The following PCDH11X variants were observed in gnomAD, a reference collection of about 807,000 sequenced individuals.
PCDH11X encodes protocadherin-11 X-linked.
In PCDH11X, 18 loss-of-function variants were observed where a neutral mutation model predicts 53.3. The observed-to-expected ratio is 0.34, with a 90% CI of 0.23 to 0.50. The LOEUF (loss-of-function observed/expected upper bound fraction) is 0.50. PCDH11X is among the 20% of genes least tolerant of loss of function. The probability of loss-of-function intolerance (pLI) is 0.98; values close to 1 mark genes in which losing one functional copy is unlikely to be tolerated. For synonymous variants in PCDH11X, 279 were observed against 393.3 expected, an observed-to-expected ratio of 0.71 and a Z score of 3.44; for missense variants, 570 against 1,032.4, an observed-to-expected ratio of 0.55 and a Z score of 6.14.
intron 4 of PCDH11X, among the ~76,000 whole-genome samples, chrX:91,827,345 C>T (rs1026573125): frequency 1.8e-5 from 2 of 111,197 alleles, no homozygotes; most frequent in African/African-American, 6.5e-5. Context: ...CTTATAAATG[C>T]TGGATATTAG....
At chrX:92,391,830 T>C (rs1290564455) in intron 9 of PCDH11X, among the ~76,000 whole-genome samples, 1 of 111,139 alleles carries the variant, frequency 9.0e-6, no homozygotes, top group Non-Finnish European at 1.9e-5. Context: ...TCCAGCTTCA[T>C]TGGAAGAGAT....
At chrX:91,883,757 A>G (rs914908597) in intron 6 of PCDH11X, 5 of 591,958 alleles carry the variant, frequency 8.4e-6, no homozygotes, top group Non-Finnish European at 1.0e-5. Flanking sequence ...GTGAGCCGAG[A>G]TGGCGCCACT....
intron 7 of PCDH11X, among the ~76,000 whole-genome samples, chrX:92,218,274 G>C (rs2066767322): frequency 9.2e-6 from 1 of 109,045 alleles, no homozygotes; most frequent in African/African-American, 3.3e-5. Context: ...TTTTTGAAAG[G>C]ATCAACAAAA....
At chrX:92,184,973 C>A (rs1287587793) in intron 6 of PCDH11X, among the ~76,000 whole-genome samples, 1 of 111,663 alleles carries the variant, frequency 9.0e-6, no homozygotes, top group Admixed American at 9.6e-5. Flanking sequence ...AGCTTTCTCC[C>A]AGATAACTCA....
chrX:92,142,431 G>T (rs1411379373), intron 6 of PCDH11X, among the ~76,000 whole-genome samples: 1 of 107,461 alleles, frequency 9.3e-6, no homozygotes, highest in East Asian at 3.0e-4. Flanking sequence ...TGTTGGTCAG[G>T]CTGGTCTTGA....
intron 6 of PCDH11X, among the ~76,000 whole-genome samples, chrX:91,969,597 T>C (rs2061918657): frequency 9.2e-6 from 1 of 109,218 alleles, no homozygotes; most frequent in Non-Finnish European, 1.9e-5. Context: ...CCCAGGAGTT[T>C]AGAACAGCCT....
At chrX:92,430,187 T>C (rs2072220086) in intron 9 of PCDH11X, among the ~76,000 whole-genome samples, 1 of 93,223 alleles carries the variant, frequency 1.1e-5, no homozygotes, top group African/African-American at 3.7e-5. Context: ...TCTGATTCCA[T>C]TTTTGAACTT....
chrX:92,100,816 C>T (rs1426153023), intron 6 of PCDH11X, among the ~76,000 whole-genome samples: 5 of 110,536 alleles, frequency 4.5e-5, no homozygotes, highest in African/African-American at 9.9e-5. Context: ...CAAGCGGGAT[C>T]AGGGGCAGTG....
intron 6 of PCDH11X, among the ~76,000 whole-genome samples, chrX:92,049,111 T>A (rs976566847): frequency 9.1e-5 from 10 of 110,389 alleles, no homozygotes; most frequent in South Asian, 3.9e-4. Flanking sequence ...AGAGAGCAGG[T>A]TGTAAAATGT....
intron 6 of PCDH11X, among the ~76,000 whole-genome samples, chrX:92,031,001 C>G (rs1268305998): frequency 9.1e-6 from 1 of 110,116 alleles, no homozygotes; most frequent in Non-Finnish European, 1.9e-5. Context: ...GGTATATATG[C>G]AGCAGTGGGA....
At chrX:91,968,365 TACC>T (rs1181886285) in intron 6 of PCDH11X, among the ~76,000 whole-genome samples, 4 of 108,274 alleles carry the variant, frequency 3.7e-5, no homozygotes, top group African/African-American at 1.4e-4. Flanking sequence ...TCTCCCAAAA[TACC>T]ACCACATTTG....
chrX:92,605,922 A>G (rs1926737365), intron 10 of PCDH11X, among the ~76,000 whole-genome samples: 1 of 110,523 alleles, frequency 9.0e-6, no homozygotes, highest in Admixed American at 9.7e-5. Context: ...TTCAACTTGA[A>G]TTTTGCAGAA....
intron 10 of PCDH11X, among the ~76,000 whole-genome samples, chrX:92,615,459 C>T (rs1281005370): frequency 1.8e-5 from 2 of 111,770 alleles, no homozygotes; most frequent in Non-Finnish European, 1.9e-5. Flanking sequence ...ATGAAAGTCT[C>T]ATCATCCAGG....
At chrX:91,815,189 T>G (rs749533230) in intron 4 of PCDH11X, among the ~76,000 whole-genome samples, 1 of 111,999 alleles carries the variant, frequency 8.9e-6, no homozygotes, top group East Asian at 2.8e-4. Flanking sequence ...TAGGACTTCT[T>G]TAAAAAATTT....
intron 4 of PCDH11X, among the ~76,000 whole-genome samples, chrX:91,821,227 G>A (rs1201373149): frequency 2.7e-5 from 3 of 110,436 alleles, no homozygotes; most frequent in Non-Finnish European, 3.8e-5. Flanking sequence ...TTGGTAGCTT[G>A]ATGGGGATGG....
chrX:91,987,848 G>A (rs1404521213), intron 6 of PCDH11X, among the ~76,000 whole-genome samples: 1 of 110,215 alleles, frequency 9.1e-6, no homozygotes, highest in Non-Finnish European at 1.9e-5. Flanking sequence ...AAAAAAAATG[G>A]TCTATTAAAA....
chrX:92,559,529 A>G (rs939937280), intron 10 of PCDH11X, among the ~76,000 whole-genome samples: 3 of 111,334 alleles, frequency 2.7e-5, no homozygotes, highest in Non-Finnish European at 5.7e-5. Context: ...TTAATATCAT[A>G]TCATTAAAAG....
chrX:92,146,173 C>T (rs1019796193), intron 6 of PCDH11X, among the ~76,000 whole-genome samples: 6 of 110,735 alleles, frequency 5.4e-5, no homozygotes, highest in Non-Finnish European at 9.4e-5. Flanking sequence ...TTCCTGCCTA[C>T]GAGAAAGAAT....
intron 6 of PCDH11X, among the ~76,000 whole-genome samples, chrX:91,902,413 G>A (rs1940989286): frequency 9.3e-6 from 1 of 107,207 alleles, no homozygotes; most frequent in Admixed American, 1.0e-4. Flanking sequence ...TTCTTAGCTT[G>A]CATGATGATA....
Sources: gnomAD v4.1 joint callset for allele counts (sites outside exome capture counted in the v4.1 genomes callset) on GRCh38, gnomAD v4.1.1 for gene constraint, MANE v1.5 for transcripts, NCBI Gene and HGNC (gene_info 2026-07-23, HGNC 2026-07-21) for gene names.